The following OGFOD1 variants were observed in gnomAD, a reference collection of about 807,000 sequenced individuals.
The protein encoded by OGFOD1 is 2-oxoglutarate and iron dependent oxygenase domain containing 1.
OGFOD1 carries 54 observed loss-of-function variants against 67.7 expected under a neutral mutation model. The ratio of observed to expected loss-of-function variants is 0.80; its 90% confidence interval spans 0.64 to 1.00. The LOEUF is 1.00. OGFOD1 is among the 50% of genes least tolerant of loss of function. The pLI is 0.00. For missense variants in OGFOD1, 606 were observed against 646.7 expected (o/e 0.94, Z 0.68); for synonymous variants, 221 against 227.0 (o/e 0.97, Z 0.24).
chr16:56,452,682 T>C (rs111232803), intron 1 of OGFOD1, among the ~76,000 whole-genome samples: 11 of 152,234 alleles, frequency 7.2e-5, no homozygotes, highest in African/African-American at 2.6e-4. Context: ...TTAAAAAGAT[T>C]GAATGAGATC....
At chr16:56,474,703 A>T in intron 10 of OGFOD1, 125 bp from the exon 11 acceptor site, 1 of 688,364 alleles carries the variant, frequency 1.5e-6, no homozygotes, top group Non-Finnish European at 2.4e-6. Context: ...ATAGCACTTC[A>T]ATCAAAGGTT....
chr16:56,464,855 A>T (rs887400880), intron 4 of OGFOD1, among the ~76,000 whole-genome samples: 2 of 152,176 alleles, frequency 1.3e-5, no homozygotes, highest in East Asian at 3.8e-4. Flanking sequence ...AAAGATACTT[A>T]ACAATCAAGA....
intron 4 of OGFOD1, among the ~76,000 whole-genome samples, chr16:56,463,436 G>A (rs1364762129): frequency 2.2e-5 from 2 of 90,376 alleles, no homozygotes; most frequent in South Asian, 3.9e-4. Flanking sequence ...TCGTTGGTTC[G>A]TTTTGAGACG....
At chr16:56,455,528 C>T (rs536426424) in intron 2 of OGFOD1, among the ~76,000 whole-genome samples, 12 of 152,148 alleles carry the variant, frequency 7.9e-5, no homozygotes, top group African/African-American at 2.6e-4. Flanking sequence ...TGGACAGGAA[C>T]TCTTCACCCT....
Position 56,474,928 on chromosome 16 carries a change from A to G in OGFOD1, c.1386A>G (p.Leu462=). ...GCAAGGCTGAATTTGCCCTAGACTTAATTCTGTACTGTGGCTGTGAAGGTA... is the reference window on the plus strand; with the variant it reads ...GCAAGGCTGAATTTGCCCTAGACTTGATTCTGTACTGTGGCTGTGAAGGTA... ...DHSKAEFALD[L]ILYCGCEGWE... The change falls in exon 11 of 13, where the codon TTA becomes TTG. Residue 462 remains leucine, a synonymous_variant. Transcript: ENST00000566157. 6.2e-7 allele frequency: 1 copy of G among 1,613,902 alleles called. No homozygotes were observed. Among genetic ancestry groups the G allele is most frequent in the Non-Finnish European group, 8.5e-7 (1 of 1,179,912 alleles).
At chr16:56,474,787 G>C in intron 10 of OGFOD1, 41 bp from the exon 11 acceptor site, 1 of 1,564,806 alleles carries the variant, frequency 6.4e-7, no homozygotes, top group South Asian at 1.2e-5. Context: ...GTTCTATCAA[G>C]GTTATTTTTT....
intron 3 of OGFOD1, among the ~76,000 whole-genome samples, chr16:56,459,528 A>G (rs1224981208): frequency 1.3e-5 from 2 of 152,192 alleles, no homozygotes; most frequent in African/African-American, 4.8e-5. Flanking sequence ...TATGATATAC[A>G]TGAGTTTTGA....
chr16:56,458,549 C>T lies in OGFOD1; in HGVS notation c.302C>T (p.Ser101Phe). ...KYNDLYKFQQ[S>F]DDLKKRREPH... The stretch of plus-strand genomic sequence containing the variant: ...TTTTTCTCTATTTTCATGATCAAGT[C>T]TGATGATTTGAAGAAGAGAAGAGAG... The change falls in exon 3 of 13, where the codon TCT (serine) becomes TTT (phenylalanine). Residue 101 changes from serine (S) to phenylalanine (F), a missense_variant and splice_region_variant. Physicochemically the swap from Ser to Phe is radical, Grantham distance 155. Coordinates refer to ENST00000566157, the MANE Select transcript of OGFOD1 (RefSeq NM_018233.4). 6.2e-7 allele frequency: 1 copy of T among 1,613,110 alleles called. No homozygotes were observed. Among genetic ancestry groups the T allele is most frequent in the South Asian group, 1.1e-5 (1 of 91,020 alleles).
At chr16:56,462,192 G>C (rs529133933) in intron 3 of OGFOD1, among the ~76,000 whole-genome samples, 9 of 152,112 alleles carry the variant, frequency 5.9e-5, no homozygotes, top group Non-Finnish European at 1.3e-4. Flanking sequence ...CTAGACCACT[G>C]GTGTGATGAG....
intron 7 of OGFOD1, 58 bp from the exon 8 acceptor site, chr16:56,467,847 A>G: frequency 1.2e-6 from 1 of 837,834 alleles, no homozygotes; most frequent in Non-Finnish European, 2.1e-6. Flanking sequence ...AAATGATGTA[A>G]GAGCAAAAGC....
chr16:56,462,282 A>C (rs959327700), intron 3 of OGFOD1, among the ~76,000 whole-genome samples: 1 of 152,194 alleles, frequency 6.6e-6, no homozygotes, highest in African/African-American at 2.4e-5. Context: ...AGAAAACATG[A>C]ACCATTAGAA....
In OGFOD1 at chr16:56,454,528, T is replaced by G. The variant is rs78231432; in HGVS notation, c.300+1120T>G. Among the ~76,000 whole-genome samples, 694 of 150,146 alleles carry G rather than the reference T, an allele frequency of 4.6e-3. 9 individuals carry two copies. Among genetic ancestry groups the G allele is most frequent in the African/African-American group, 0.016 (647 of 40,618 alleles). On this transcript the variant is annotated intron_variant, in intron 2 of 12. Transcript: ENST00000566157. ...TTTTTTAAGTTTGGTTTTTCTACTC[T>G]GGAAGACACAGCCTAGTCTAGGTAT...
chr16:56,451,654 G>A lies in OGFOD1; in HGVS notation c.42G>A (p.Val14=). 4 of 1,613,972 alleles carry A rather than the reference G, an allele frequency of 2.5e-6. No individual in the cohort carries two copies. Among genetic ancestry groups the A allele is most frequent in the African/African-American group, 1.3e-5 (1 of 75,018 alleles). ...CAGCGGAGCCCGGCCCAGCCCGGGT[G>A]GGAAAAAAGGGAAAGAAGGAGGTGA... ...KRPAEPGPAR[V]GKKGKKEVMA... The change falls in exon 1 of 13, where the codon GTG becomes GTA. Residue 14 remains valine, a synonymous_variant. Coordinates refer to ENST00000566157, the MANE Select transcript of OGFOD1 (RefSeq NM_018233.4).
At chr16:56,456,751 T>C (rs552249289) in intron 2 of OGFOD1, among the ~76,000 whole-genome samples, 5 of 152,348 alleles carry the variant, frequency 3.3e-5, no homozygotes, top group African/African-American at 1.2e-4. Context: ...TAGAGTAAAA[T>C]GCCAGGTTGT....
At chr16:56,466,774 C>A in intron 5 of OGFOD1, 102 bp from the exon 6 acceptor site, 1 of 812,786 alleles carries the variant, frequency 1.2e-6, no homozygotes, top group Non-Finnish European at 2.1e-6. Context: ...GTCTGAAGGG[C>A]ACATCTAGAT....
Position 56,477,449 on chromosome 16 carries a change from C to G in OGFOD1, c.*1244C>G, listed in dbSNP as rs1963534802. 6.6e-6 allele frequency: 1 copy of G among 152,260 alleles called. No individual in the cohort carries two copies. Among genetic ancestry groups the G allele is most frequent in the Non-Finnish European group, 1.5e-5 (1 of 68,058 alleles). The allele number at this position is 152,260 out of a possible 1,614,324, so 9.4% of individuals were successfully genotyped here. ...TCACTTCCAAGTGCCCACTGCCTTT[C>G]CATCCTGCAATTGTGGCCTGTGTAT... On this transcript the variant is annotated 3_prime_UTR_variant, in exon 13 of 13. Coordinates refer to ENST00000566157, the MANE Select transcript of OGFOD1 (RefSeq NM_018233.4).
At chr16:56,462,736 C>T in intron 4 of OGFOD1, 102 bp downstream of exon 4, 2 of 704,200 alleles carry the variant, frequency 2.8e-6, no homozygotes, top group Non-Finnish European at 4.9e-6. Flanking sequence ...CTGAATGTCC[C>T]TGCAAAGCAT....
Position 56,461,868 on chromosome 16 carries a change from G to A in OGFOD1, c.348-666G>A, listed in dbSNP as rs556936976. ...CCCAGCACTGGAGGCCGAGGCAGGC[G>A]GATCACTTGAGGTCAGGAGTTGGAG... is the stretch of plus-strand genomic sequence containing the variant. On this transcript the variant is annotated intron_variant, in intron 3 of 12. Coordinates refer to ENST00000566157, the MANE Select transcript of OGFOD1 (RefSeq NM_018233.4). Among the ~76,000 whole-genome samples the A allele has an allele frequency of 2.8e-3, 426 of 152,148 alleles. 4 individuals are homozygous for A. Among genetic ancestry groups the A allele is most frequent in the African/African-American group, 9.7e-3 (402 of 41,508 alleles).
At chr16:56,471,095 T>C (rs1963154481) in intron 10 of OGFOD1, among the ~76,000 whole-genome samples, 1 of 151,678 alleles carries the variant, frequency 6.6e-6, no homozygotes, top group Non-Finnish European at 1.5e-5. Flanking sequence ...CTTACACCTA[T>C]AATCCCAGCA....
Sources: allele counts gnomAD v4.1 joint callset (sites outside exome capture counted in the v4.1 genomes callset), GRCh38; gene constraint gnomAD v4.1.1; transcripts MANE v1.5; gene names NCBI Gene and HGNC (gene_info 2026-07-23, HGNC 2026-07-21).